Variants in CACNA1E observed in about 807,000 individuals in gnomAD.
CACNA1E encodes calcium voltage-gated channel subunit alpha1 E.
Under a neutral mutation model 259.2 loss-of-function variants are expected in CACNA1E, and 40 were observed. The observed-to-expected ratio is 0.15, with a 90% confidence interval of 0.12 to 0.20. The LOEUF (loss-of-function observed/expected upper bound fraction) is 0.20. Ranked by LOEUF, CACNA1E falls within the 10% of genes least tolerant of loss-of-function variation. The pLI is 1.00. For synonymous variants in CACNA1E, 1,104 were observed against 1,138.5 expected (o/e 0.97, Z 0.61); for missense variants, 1,874 against 3,040.1 (o/e 0.62, Z 9.02).
intron 1 of CACNA1E, among the ~76,000 whole-genome samples, chr1:181,359,735 G>C (rs760156463): frequency 1.6e-4 from 24 of 152,018 alleles, no homozygotes; most frequent in Non-Finnish European, 2.5e-4. Context: ...CTGTGTAGTG[G>C]GTACTTATCT....
intron 45 of CACNA1E, among the ~76,000 whole-genome samples, chr1:181,794,359 G>A (rs1328606966): frequency 6.6e-6 from 1 of 152,204 alleles, no homozygotes; most frequent in Non-Finnish European, 1.5e-5. Flanking sequence ...CAGAGGGAGA[G>A]TGATACATTC....
At chr1:181,622,769 G>A (rs1217565386) in intron 6 of CACNA1E, among the ~76,000 whole-genome samples, 1 of 152,068 alleles carries the variant, frequency 6.6e-6, no homozygotes, top group Admixed American at 6.5e-5. Context: ...ACATTTCATT[G>A]TCCTGTTGTC....
upstream of CACNA1E, among the ~76,000 whole-genome samples, chr1:181,480,162 A>G (rs759954656): frequency 1.2e-4 from 18 of 152,130 alleles, no homozygotes; most frequent in Non-Finnish European, 2.4e-4. Context: ...GGCTGGTAGA[A>G]TGGGGGATTA....
At chr1:181,611,591 A>G (rs1177467954) in intron 6 of CACNA1E, among the ~76,000 whole-genome samples, 2 of 152,100 alleles carry the variant, frequency 1.3e-5, no homozygotes, top group Admixed American at 1.3e-4. Context: ...AGGTACACAG[A>G]AGTGAGTTCA....
At chr1:181,715,561 C>A (rs41315707) in intron 9 of CACNA1E, among the ~76,000 whole-genome samples, 170 bp downstream of exon 9, 17 of 152,250 alleles carry the variant, frequency 1.1e-4, no homozygotes, top group Admixed American at 3.3e-4. Context: ...GGAATTGAGT[C>A]ACAGATTTAA....
intron 3 of CACNA1E, among the ~76,000 whole-genome samples, chr1:181,532,471 A>G (rs1667855761): frequency 6.6e-6 from 1 of 152,212 alleles, no homozygotes; most frequent in Non-Finnish European, 1.5e-5. Flanking sequence ...GCTTCTCCCA[A>G]GCTTGGTGCA....
chr1:181,558,648 C>T (rs1423559921), intron 3 of CACNA1E, among the ~76,000 whole-genome samples: 2 of 152,074 alleles, frequency 1.3e-5, no homozygotes, highest in African/African-American at 2.4e-5. Context: ...CAGGCGGAGG[C>T]GTGGCAAGAG....
At chr1:181,368,504 G>T (rs1430736026) in intron 1 of CACNA1E, among the ~76,000 whole-genome samples, 2 of 152,190 alleles carry the variant, frequency 1.3e-5, no homozygotes, top group Non-Finnish European at 2.9e-5. Context: ...GTGAGAGAAG[G>T]TTGAGTTGTG....
chr1:181,619,144 C>T (rs1655489716), intron 6 of CACNA1E, among the ~76,000 whole-genome samples: 2 of 151,886 alleles, frequency 1.3e-5, no homozygotes, highest in African/African-American at 4.8e-5. Flanking sequence ...ACAGATAAAT[C>T]ATATACATAG....
At chr1:181,662,634 T>C (rs562291929) in intron 7 of CACNA1E, among the ~76,000 whole-genome samples, 8 of 152,270 alleles carry the variant, frequency 5.3e-5, no homozygotes, top group African/African-American at 1.9e-4. Flanking sequence ...AATACCTGGG[T>C]GATAGTAATT....
chr1:181,417,720 T>A (rs1276410706), intron 2 of CACNA1E, among the ~76,000 whole-genome samples: 1 of 152,160 alleles, frequency 6.6e-6, no homozygotes, highest in Non-Finnish European at 1.5e-5. Flanking sequence ...AACTCTCAAA[T>A]CCCATCATTT....
chr1:181,760,145 G>A (rs1213726865), intron 32 of CACNA1E, among the ~76,000 whole-genome samples: 1 of 152,152 alleles, frequency 6.6e-6, no homozygotes, highest in East Asian at 1.9e-4. Context: ...CTTGTATGTG[G>A]TATTGACATT....
chr1:181,745,658 C>T (rs1657012833), intron 25 of CACNA1E, among the ~76,000 whole-genome samples: 1 of 152,150 alleles, frequency 6.6e-6, no homozygotes, highest in Non-Finnish European at 1.5e-5. Flanking sequence ...CAGCCACCTT[C>T]CTAATCCACA....
intron 2 of CACNA1E, among the ~76,000 whole-genome samples, chr1:181,422,040 C>T (rs1658786897): frequency 1.3e-5 from 2 of 152,216 alleles, no homozygotes; most frequent in Non-Finnish European, 2.9e-5. Context: ...CTGTTTATGT[C>T]TCTACCCTGG....
At chr1:181,432,417 T>C (rs1272762763) in intron 2 of CACNA1E, among the ~76,000 whole-genome samples, 3 of 152,072 alleles carry the variant, frequency 2.0e-5, no homozygotes, top group Non-Finnish European at 4.4e-5. Flanking sequence ...CTGAATCACA[T>C]GTACCCTAAA....
Position 181,720,296 on chromosome 1 carries a change from C to T in CACNA1E, c.1842C>T (p.Ile614=), listed in dbSNP as rs764352459. 13 of 1,613,644 alleles carry T rather than the reference C, an allele frequency of 8.1e-6. No individual in the cohort carries two copies. The highest frequency in any genetic ancestry group is 4.0e-5 in the African/African-American group (3 of 74,878). Residue 614 remains isoleucine, a synonymous_variant, in exon 14 of 48, where the codon ATC becomes ATT. Transcript: ENST00000367573. ...ISLLFLLFLF[I]VVFALLGMQL... is the part of the protein sequence containing the mutation. ...TGCTTTTCCTCCTCTTCCTCTTCAT[C>T]GTTGTCTTTGCTCTCCTAGGAATGC...
intron 3 of CACNA1E, among the ~76,000 whole-genome samples, chr1:181,564,251 G>C (rs1174051410): frequency 1.3e-5 from 2 of 152,108 alleles, no homozygotes; most frequent in Non-Finnish European, 2.9e-5. Flanking sequence ...TTCAAAATTG[G>C]AGTCAATTCT....
In CACNA1E at chr1:181,574,068, C is replaced by T. The variant is rs188358048; in HGVS notation, c.513-3698C>T. On this transcript the variant is annotated intron_variant, in intron 3 of 47. Transcript: ENST00000367573. ...GCATGTTCTCACTCATAAGTGGGAG[C>T]TGAATGATGAGAACACATGGACACA... Among the ~76,000 whole-genome samples, 163 of 152,186 alleles carry T rather than the reference C, an allele frequency of 1.1e-3. 1 individual carries two copies. The highest frequency in any genetic ancestry group is 3.8e-3 in the African/African-American group (158 of 41,534).
intron 1 of CACNA1E, among the ~76,000 whole-genome samples, chr1:181,505,567 G>A (rs868826412): frequency 1.3e-5 from 2 of 151,964 alleles, no homozygotes; most frequent in Non-Finnish European, 1.5e-5. Flanking sequence ...GTAGAGATGG[G>A]GTTTCACCGT....
Sources: allele counts gnomAD v4.1 joint callset (sites outside exome capture counted in the v4.1 genomes callset), GRCh38; gene constraint gnomAD v4.1.1; transcripts MANE v1.5; gene names NCBI Gene and HGNC (gene_info 2026-07-23, HGNC 2026-07-21).